CSMD1: variants seen among roughly 807,000 people sequenced by gnomAD.
CSMD1 encodes CUB and sushi domain-containing protein 1.
In CSMD1, 213 loss-of-function variants were observed where a neutral mutation model predicts 417.5. The ratio of observed to expected loss-of-function variants is 0.51; its 90% confidence interval spans 0.46 to 0.57. The LOEUF (loss-of-function observed/expected upper bound fraction) is 0.57. Ranked by LOEUF, CSMD1 falls within the 20% of genes least tolerant of loss-of-function variation. The pLI, the probability that CSMD1 is intolerant of heterozygous loss-of-function variation, is 0.00. For missense variants in CSMD1, 6,923 were observed against 4,529.7 expected, an observed-to-expected ratio of 1.53 and a Z score of -15.17; for synonymous variants, 2,862 against 1,736.8, an observed-to-expected ratio of 1.65 and a Z score of -16.11.
Position 3,780,560 on chromosome 8 carries a change from T to C in CSMD1, c.819-26518A>G, listed in dbSNP as rs1183738905. ...TGGGTAATGAGCTTCAACAAACTAC[T>C]ATTTTCAAATTCACAAATACTAAAG... On this transcript the variant is annotated intron_variant, in intron 5 of 69. Coordinates refer to ENST00000635120, the MANE Select transcript of CSMD1 (RefSeq NM_033225.6). Among the ~76,000 whole-genome samples the C allele has an allele frequency of 5.9e-5, 9 of 152,224 alleles. No individual in the cohort carries two copies. In the South Asian group the frequency reaches 6.2e-4, roughly 11 times the overall value.
intron 1 of CSMD1, among the ~76,000 whole-genome samples, chr8:4,820,218 T>A (rs557330495): frequency 6.6e-6 from 1 of 152,154 alleles, no homozygotes; most frequent in African/African-American, 2.4e-5. Context: ...GAGAATGATA[T>A]GCATTATTGA....
At chr8:3,777,512 C>T (rs924289444) in intron 5 of CSMD1, among the ~76,000 whole-genome samples, 3 of 152,178 alleles carry the variant, frequency 2.0e-5, no homozygotes, top group Non-Finnish European at 4.4e-5. Context: ...ATGCTCTGAG[C>T]ACCATAAAAT....
intron 3 of CSMD1, among the ~76,000 whole-genome samples, chr8:4,039,378 C>A (rs1797773373): frequency 6.6e-6 from 1 of 152,212 alleles, no homozygotes; most frequent in African/African-American, 2.4e-5. Context: ...TCTCTCCTGG[C>A]TTTGGGAAGG....
chr8:4,415,962 G>C (rs916112413), intron 3 of CSMD1, among the ~76,000 whole-genome samples: 1 of 152,052 alleles, frequency 6.6e-6, no homozygotes, highest in Non-Finnish European at 1.5e-5. Flanking sequence ...ATGGGATCTC[G>C]GGAAACTAAA....
chr8:4,551,428 T>G (rs1797864346), intron 2 of CSMD1, among the ~76,000 whole-genome samples: 1 of 152,170 alleles, frequency 6.6e-6, no homozygotes, highest in South Asian at 2.1e-4. Context: ...TTTCTTTTGT[T>G]TTCACTTAGA....
At chr8:4,474,292 G>A (rs1441264272) in intron 2 of CSMD1, among the ~76,000 whole-genome samples, 2 of 152,100 alleles carry the variant, frequency 1.3e-5, no homozygotes, top group Non-Finnish European at 2.9e-5. Flanking sequence ...CAAGGTGACA[G>A]ATTAACGTTC....
intron 53 of CSMD1, among the ~76,000 whole-genome samples, chr8:2,998,475 A>C (rs1422866584): frequency 6.6e-6 from 1 of 152,216 alleles, no homozygotes; most frequent in Non-Finnish European, 1.5e-5. Flanking sequence ...CAGAATACCA[A>C]ATGATTTAAA....
chr8:3,374,656 G>C (rs1295001818), intron 18 of CSMD1, among the ~76,000 whole-genome samples: 1 of 152,116 alleles, frequency 6.6e-6, no homozygotes, highest in Non-Finnish European at 1.5e-5. Flanking sequence ...TACAAGGTCG[G>C]AGGAAATGCA....
intron 3 of CSMD1, among the ~76,000 whole-genome samples, chr8:4,390,003 C>T (rs527542691): frequency 2.5e-4 from 38 of 152,208 alleles, no homozygotes; most frequent in African/African-American, 9.2e-4. Context: ...TTTAACTTTC[C>T]TAGATATTAC....
At chr8:4,033,282 T>C (rs999183978) in intron 3 of CSMD1, among the ~76,000 whole-genome samples, 1 of 150,752 alleles carries the variant, frequency 6.6e-6, no homozygotes, top group African/African-American at 2.4e-5. Context: ...CTACTAAAAA[T>C]ACAAAAAAAA....
chr8:4,162,417 T>A (rs1485144273), intron 3 of CSMD1, among the ~76,000 whole-genome samples: 1 of 152,168 alleles, frequency 6.6e-6, no homozygotes, highest in Non-Finnish European at 1.5e-5. Context: ...GGATATAGTG[T>A]AACTGATAAA....
At chr8:4,944,956 C>G (rs1048761647) in intron 1 of CSMD1, among the ~76,000 whole-genome samples, 16 of 152,068 alleles carry the variant, frequency 1.1e-4, no homozygotes, top group African/African-American at 3.9e-4. Context: ...TGCATGTCCA[C>G]GTGTGTATCA....
At chr8:3,311,422 G>T (rs1451519030) in intron 23 of CSMD1, among the ~76,000 whole-genome samples, 3 of 151,998 alleles carry the variant, frequency 2.0e-5, no homozygotes, top group African/African-American at 7.3e-5. Context: ...GCTAATTTTT[G>T]TATTTTTAGT....
intron 3 of CSMD1, among the ~76,000 whole-genome samples, chr8:4,277,787 G>A (rs527870727): frequency 1.3e-5 from 2 of 152,184 alleles, no homozygotes; most frequent in African/African-American, 4.8e-5. Flanking sequence ...TCACTCTGTT[G>A]CCCAGGCTGG....
chr8:3,122,793 T>A (rs1158686993), intron 41 of CSMD1, among the ~76,000 whole-genome samples: 1 of 152,152 alleles, frequency 6.6e-6, no homozygotes, highest in African/African-American at 2.4e-5. Context: ...TTCAACCTCT[T>A]TTTCTTCCCA....
intron 1 of CSMD1, among the ~76,000 whole-genome samples, chr8:4,966,276 G>A (rs944503658): frequency 1.3e-5 from 2 of 151,648 alleles, no homozygotes; most frequent in African/African-American, 4.9e-5. Context: ...CTACTTGGGA[G>A]GCTGAGGCAG....
At chr8:3,695,366 A>T (rs1189878370) in intron 7 of CSMD1, among the ~76,000 whole-genome samples, 1 of 152,062 alleles carries the variant, frequency 6.6e-6, no homozygotes, top group Non-Finnish European at 1.5e-5. Context: ...CACAAAAAAA[A>T]ATAATGACTC....
At chr8:3,199,646 G>T in intron 33 of CSMD1, 68 bp downstream of exon 33, 2 of 989,820 alleles carry the variant, frequency 2.0e-6, no homozygotes, top group Non-Finnish European at 2.9e-6. Flanking sequence ...CTTTGTCTGA[G>T]ACTAGCCGTG....
At chr8:4,545,517 C>T (rs144408678) in intron 2 of CSMD1, among the ~76,000 whole-genome samples, 1,881 of 149,144 alleles carry the variant, frequency 0.013, 28 homozygotes, top group Middle Eastern at 0.024. Flanking sequence ...GATCTCACGA[C>T]CCTACGAAAG....
Sources: allele counts gnomAD v4.1 joint callset (sites outside exome capture counted in the v4.1 genomes callset), GRCh38; gene constraint gnomAD v4.1.1; transcripts MANE v1.5; gene names NCBI Gene and HGNC (gene_info 2026-07-23, HGNC 2026-07-21).